Variants in MCTP1 observed in about 807,000 individuals in gnomAD.
The protein encoded by MCTP1 is multiple C2 and transmembrane domain containing 1.
MCTP1 carries 69 observed loss-of-function variants against 120.6 expected under a neutral mutation model. The ratio of observed to expected loss-of-function variants is 0.57; its 90% confidence interval spans 0.47 to 0.70. The LOEUF (loss-of-function observed/expected upper bound fraction) is 0.70, where lower values mean the gene tolerates loss of function less well. Among genes scored for constraint, MCTP1 ranks in the 30% least tolerant of loss-of-function variants. The pLI is 0.00. For missense variants in MCTP1, 1,203 were observed against 1,248.8 expected, an observed-to-expected ratio of 0.96 and a Z score of 0.55; for synonymous variants, 529 against 493.1, an observed-to-expected ratio of 1.07 and a Z score of -0.96.
chr5:94,883,150 A>G (rs1047697362), intron 12 of MCTP1, among the ~76,000 whole-genome samples: 1 of 152,190 alleles, frequency 6.6e-6, no homozygotes, highest in Non-Finnish European at 1.5e-5. Context: ...TTATTTGTTT[A>G]GGCTCATTCT....
intron 1 of MCTP1, among the ~76,000 whole-genome samples, chr5:95,068,205 C>G (rs1201943953): frequency 1.3e-5 from 2 of 152,058 alleles, no homozygotes; most frequent in Non-Finnish European, 2.9e-5. Flanking sequence ...CCAAATTTCT[C>G]AAGGGCAAGA....
rs928518983 is a variant in MCTP1, at chr5:95,067,595, A to T, written c.721-50111T>A. On this transcript the variant is annotated intron_variant, in intron 1 of 22. Transcript: ENST00000515393. Reference sequence around the variant, plus strand: ...ACTAAGATACATTTACTATTAACCTACAAAATATACTTATATTTTTAAATA... The same window carrying T: ...ACTAAGATACATTTACTATTAACCTTCAAAATATACTTATATTTTTAAATA... Among the ~76,000 whole-genome samples, 90 of 152,174 alleles carry T rather than the reference A, an allele frequency of 5.9e-4. 2 individuals carry two copies. The highest frequency in any genetic ancestry group is 3.3e-3 in the Admixed American group (51 of 15,288).
intron 19 of MCTP1, among the ~76,000 whole-genome samples, chr5:94,741,212 A>C (rs1765448703): frequency 6.6e-6 from 1 of 152,252 alleles, no homozygotes; most frequent in African/African-American, 2.4e-5. Context: ...ATAATTTCAC[A>C]GATATGTCAT....
At chr5:95,046,463 T>A (rs1465461514) in intron 1 of MCTP1, among the ~76,000 whole-genome samples, 1 of 152,164 alleles carries the variant, frequency 6.6e-6, no homozygotes, top group African/African-American at 2.4e-5. Context: ...ATGCTAATAG[T>A]CTCCCTATTG....
chr5:94,727,392 CA>C (rs1223973745), intron 19 of MCTP1, among the ~76,000 whole-genome samples: 3 of 152,122 alleles, frequency 2.0e-5, no homozygotes, highest in African/African-American at 7.2e-5. Flanking sequence ...TTCAGCAAAC[CA>C]AGGTCTTTAA....
intron 1 of MCTP1, among the ~76,000 whole-genome samples, chr5:95,216,684 C>A (rs1753077940): frequency 6.6e-6 from 1 of 151,988 alleles, no homozygotes; most frequent in Non-Finnish European, 1.5e-5. Context: ...AGTGAAATGG[C>A]AAAATTATAA....
At chr5:95,191,472 T>C (rs1170214040) in intron 1 of MCTP1, among the ~76,000 whole-genome samples, 1 of 152,034 alleles carries the variant, frequency 6.6e-6, no homozygotes, top group Non-Finnish European at 1.5e-5. Flanking sequence ...GAAAAGGTTA[T>C]TGATTTAGAA....
chr5:95,162,518 C>G (rs1238471560), intron 1 of MCTP1, among the ~76,000 whole-genome samples: 1 of 152,096 alleles, frequency 6.6e-6, no homozygotes, highest in Non-Finnish European at 1.5e-5. Flanking sequence ...GTAGCTAAAT[C>G]TATAAAATAT....
intron 6 of MCTP1, among the ~76,000 whole-genome samples, chr5:94,928,558 C>G (rs1642520018): frequency 6.6e-6 from 1 of 152,048 alleles, no homozygotes; most frequent in South Asian, 2.1e-4. Flanking sequence ...GACATCAGCC[C>G]CTTTCTTCTT....
chr5:94,775,454 G>A (rs1301252112), intron 19 of MCTP1, among the ~76,000 whole-genome samples: 2 of 152,108 alleles, frequency 1.3e-5, no homozygotes, highest in African/African-American at 4.8e-5. Context: ...ATGGCTTGTT[G>A]ATAGCTCCTC....
chr5:94,751,946 C>T lies in MCTP1; in HGVS notation c.2610+27164G>A, dbSNP rs184028191. Among the ~76,000 whole-genome samples, 761 of 123,326 alleles carry T rather than the reference C, an allele frequency of 6.2e-3. 12 individuals are homozygous for T. Among genetic ancestry groups the T allele is most frequent in the African/African-American group, 0.022 (716 of 32,722 alleles). The allele number at this position is 123,326 out of a possible 152,430, so 80.9% of individuals were successfully genotyped here. On this transcript the variant is annotated intron_variant, in intron 19 of 22. Coordinates refer to ENST00000515393, the MANE Select transcript of MCTP1 (RefSeq NM_024717.7). ...ACACAGGAAGGGGAACATCACACTC[C>T]GGGGACTGTTGTGGGGTGCAGGGAG...
intron 1 of MCTP1, among the ~76,000 whole-genome samples, chr5:95,061,537 G>A (rs2152110172): frequency 7.1e-6 from 1 of 140,536 alleles, no homozygotes; most frequent in Non-Finnish European, 1.5e-5. Context: ...CCGGGTTCAC[G>A]CCATTCTCCT....
At chr5:94,922,976 G>A (rs979835029) in intron 7 of MCTP1, among the ~76,000 whole-genome samples, 14 of 96,392 alleles carry the variant, frequency 1.5e-4, no homozygotes, top group African/African-American at 5.1e-4. Context: ...ACTAAAATAA[G>A]CTCACAACAA....
intron 1 of MCTP1, among the ~76,000 whole-genome samples, chr5:95,031,097 A>T (rs1194346562): frequency 6.6e-6 from 1 of 152,176 alleles, no homozygotes; most frequent in Non-Finnish European, 1.5e-5. Flanking sequence ...ATTTAAAAAA[A>T]ATTAAAAAAT....
intron 1 of MCTP1, among the ~76,000 whole-genome samples, chr5:95,112,940 G>C (rs957062083): frequency 2.0e-5 from 3 of 152,114 alleles, no homozygotes; most frequent in African/African-American, 4.8e-5. Context: ...ACTTTTAAAA[G>C]TATAAAGCAT....
At chr5:94,824,468 G>A (rs555437890) in intron 17 of MCTP1, among the ~76,000 whole-genome samples, 4 of 152,028 alleles carry the variant, frequency 2.6e-5, no homozygotes, top group South Asian at 4.2e-4. Context: ...GAGGATTTTC[G>A]CACCTCAGGA....
intron 1 of MCTP1, among the ~76,000 whole-genome samples, chr5:95,155,048 G>T (rs572348602): frequency 6.6e-6 from 1 of 152,214 alleles, no homozygotes; most frequent in East Asian, 1.9e-4. Flanking sequence ...AAGCAAAAGA[G>T]ATGGCATTAA....
At chr5:94,846,941 C>T (rs1388780437) in intron 17 of MCTP1, among the ~76,000 whole-genome samples, 1 of 152,102 alleles carries the variant, frequency 6.6e-6, no homozygotes, top group African/African-American at 2.4e-5. Flanking sequence ...AGCAGCATCA[C>T]TTGAAAGCTT....
intron 2 of MCTP1, among the ~76,000 whole-genome samples, chr5:95,005,797 G>T (rs114141112): frequency 0.016 from 2,345 of 151,046 alleles, 53 homozygotes; most frequent in African/African-American, 0.052. Flanking sequence ...CCAAGTCTCA[G>T]GTAGTTCTTT....
Sources: allele counts gnomAD v4.1 joint callset (sites outside exome capture counted in the v4.1 genomes callset), GRCh38; gene constraint gnomAD v4.1.1; transcripts MANE v1.5; gene names NCBI Gene and HGNC (gene_info 2026-07-23, HGNC 2026-07-21).